AFAP1L1: variants seen among roughly 807,000 people sequenced by gnomAD.
AFAP1L1 encodes the protein actin filament associated protein 1 like 1.
AFAP1L1 carries 77 observed loss-of-function variants against 99.8 expected under a neutral mutation model. That is an observed-to-expected ratio of 0.77 (90% confidence interval 0.64 to 0.93). The LOEUF (loss-of-function observed/expected upper bound fraction) is 0.93, where lower values mean the gene tolerates loss of function less well. Among genes scored for constraint, AFAP1L1 ranks in the 40% least tolerant of loss-of-function variants. The pLI is 0.00. For synonymous variants in AFAP1L1, 373 were observed against 395.3 expected, an observed-to-expected ratio of 0.94 and a Z score of 0.67; for missense variants, 893 against 996.8, an observed-to-expected ratio of 0.90 and a Z score of 1.40.
intron 16 of AFAP1L1, among the ~76,000 whole-genome samples, chr5:149,331,272 A>G (rs921871351): frequency 6.6e-6 from 1 of 151,898 alleles, no homozygotes; most frequent in African/African-American, 2.4e-5. Flanking sequence ...CTTCATCTCT[A>G]TTTTTCTAAA....
intron 8 of AFAP1L1, among the ~76,000 whole-genome samples, chr5:149,311,068 C>G (rs1368650207): frequency 6.6e-6 from 1 of 152,138 alleles, no homozygotes. Context: ...ACCCCCCATT[C>G]CTTTACAGCA....
At chr5:149,318,665 C>G (rs1756866752) in intron 12 of AFAP1L1, among the ~76,000 whole-genome samples, 1 of 152,228 alleles carries the variant, frequency 6.6e-6, no homozygotes, top group South Asian at 2.1e-4. Flanking sequence ...TACTCACGGG[C>G]ACTAGCCTCC....
chr5:149,339,282 C>G (rs1757494556), intron 18 of AFAP1L1, among the ~76,000 whole-genome samples: 1 of 151,714 alleles, frequency 6.6e-6, no homozygotes, highest in African/African-American at 2.4e-5. Flanking sequence ...CTCCACCTCC[C>G]AGGTTCAAGC....
intron 3 of AFAP1L1, among the ~76,000 whole-genome samples, chr5:149,300,852 T>C (rs1243081399): frequency 6.6e-6 from 1 of 152,244 alleles, no homozygotes; most frequent in Non-Finnish European, 1.5e-5. Flanking sequence ...GGGAGCACAC[T>C]GTGCCTTTAT....
chr5:149,332,265 C>T (rs1757277026), intron 16 of AFAP1L1, among the ~76,000 whole-genome samples: 1 of 152,134 alleles, frequency 6.6e-6, no homozygotes, highest in African/African-American at 2.4e-5. Flanking sequence ...GGTGTGCTGG[C>T]GTGTGCCTGT....
chr5:149,329,978 T>C (rs560381905), intron 16 of AFAP1L1, 148 bp downstream of exon 16: 6 of 602,352 alleles, frequency 1.0e-5, no homozygotes, highest in African/African-American at 7.6e-5. Flanking sequence ...CCTCCTCCTC[T>C]TCTTCTCCTC....
chr5:149,291,717 T>G (rs533843765), intron 1 of AFAP1L1, among the ~76,000 whole-genome samples: 2 of 152,088 alleles, frequency 1.3e-5, no homozygotes, highest in South Asian at 2.1e-4. Context: ...CCCACTGATA[T>G]GTTAATACAG....
In AFAP1L1 at chr5:149,320,311, TGAGA is replaced by T. The variant is rs1390809348; in HGVS notation, c.1626-78_1626-75del. On this transcript the variant is annotated intron_variant, in intron 13 of 18. Coordinates refer to ENST00000296721, the MANE Select transcript of AFAP1L1 (RefSeq NM_152406.4). The surrounding 1 kb of genome is among the most constrained non-coding windows in gnomAD (Gnocchi z 4.0). ...CCTTAAGAGTTTCTGCCAGAATCAATGAGAGTGAGGACACGAAAGCACTGTAAGC... is the reference window on the plus strand; with the variant it reads ...CCTTAAGAGTTTCTGCCAGAATCAATGTGAGGACACGAAAGCACTGTAAGC... 21 of 1,373,862 alleles carry T rather than the reference TGAGA, an allele frequency of 1.5e-5. No homozygotes were observed. Among genetic ancestry groups the T allele is most frequent in the African/African-American group, 1.4e-4 (10 of 70,204 alleles). 85.1% of individuals were successfully genotyped at this position (1,373,862 alleles called of 1,614,324 possible).
intron 10 of AFAP1L1, 88 bp from the exon 11 acceptor site, chr5:149,316,063 T>C (rs1756783978): frequency 6.3e-7 from 1 of 1,586,844 alleles, no homozygotes; most frequent in African/African-American, 1.3e-5. Context: ...AGGCCCATCC[T>C]GTATGCAGGC....
intron 1 of AFAP1L1, among the ~76,000 whole-genome samples, chr5:149,296,729 A>G (rs1327439652): frequency 6.6e-6 from 1 of 152,238 alleles, no homozygotes; most frequent in Non-Finnish European, 1.5e-5. Flanking sequence ...CATTTAGTGT[A>G]TGTATTAGTC....
In AFAP1L1 at chr5:149,307,610, C is replaced by A; in HGVS notation, c.744C>A (p.Leu248=). 1 of 1,612,090 alleles carries A rather than the reference C, an allele frequency of 6.2e-7. No individual in the cohort carries two copies. Among genetic ancestry groups the A allele is most frequent in the Non-Finnish European group, 8.5e-7 (1 of 1,179,912 alleles). The change falls in exon 7 of 19, where the codon CTC becomes CTA. Residue 248 remains leucine (L), a synonymous_variant. Transcript: ENST00000296721. ...KQLTVIREDQ[L]LCYKSSKDRQ... The stretch of plus-strand genomic sequence containing the variant: ...TGACGGTCATCAGGGAGGACCAGCT[C>A]CTGGTGAGTGGTCAGCAGCAGCCAT...
chr5:149,303,561 A>G (rs1756299242), intron 5 of AFAP1L1, among the ~76,000 whole-genome samples: 4 of 152,240 alleles, frequency 2.6e-5, no homozygotes, highest in African/African-American at 9.6e-5. Flanking sequence ...CCAAAAAATA[A>G]TCAAATTTCT....
chr5:149,310,857 T>A (rs1183443090), intron 8 of AFAP1L1, among the ~76,000 whole-genome samples: 1 of 152,188 alleles, frequency 6.6e-6, no homozygotes, highest in African/African-American at 2.4e-5. Flanking sequence ...GTGGCACCCA[T>A]ACTGGAGTGC....
At chr5:149,301,592 AAGCTCTGGACC>A (rs1475335711) in intron 4 of AFAP1L1, among the ~76,000 whole-genome samples, 1 of 152,064 alleles carries the variant, frequency 6.6e-6, no homozygotes, top group Non-Finnish European at 1.5e-5. Context: ...GCTATGGAAA[AAGCTCTGGACC>A]AGGAGTTGGG....
rs568217094 is a variant in AFAP1L1 at position 149,278,908 on chromosome 5, C to T, written c.16+6924C>T. On this transcript the variant is annotated intron_variant, in intron 1 of 18. Coordinates refer to ENST00000296721, the MANE Select transcript of AFAP1L1 (RefSeq NM_152406.4). ...ACTCACTCCTGTGAAGAACTAAACC[C>T]CTCTATGAGAGTAACTCTCAGATGT... is the stretch of plus-strand genomic sequence containing the variant. Among the ~76,000 whole-genome samples the T allele has an allele frequency of 2.8e-4, 42 of 152,316 alleles. 1 individual carries two copies. The East Asian group carries it at 7.3e-3, about 27-fold the overall frequency.
intron 1 of AFAP1L1, among the ~76,000 whole-genome samples, chr5:149,274,676 C>T (rs1323882599): frequency 2.0e-5 from 3 of 152,112 alleles, no homozygotes; most frequent in Admixed American, 6.5e-5. Flanking sequence ...GTCAGGAGTT[C>T]GAGACCAGCC....
In AFAP1L1 at chr5:149,320,480, C is replaced by A. The variant is rs1756920392; in HGVS notation, c.1698+17C>A. 6.2e-7 allele frequency: 1 copy of A among 1,613,606 alleles called. No individual in the cohort carries two copies. The highest frequency in any genetic ancestry group is 1.6e-4 in the Middle Eastern group (1 of 6,084). On this transcript the variant is annotated intron_variant, in intron 14 of 18. Coordinates refer to ENST00000296721, the MANE Select transcript of AFAP1L1 (RefSeq NM_152406.4). This position sits in a 1 kb window ranked among gnomAD's most constrained non-coding sequence, Gnocchi z 4.0. Reference sequence around the variant, plus strand: ...AAGATGCAGGTACAGTCCCTTGGGGCTGCCCAGGAATGTGGCAAAGGCCAC... The same window carrying A: ...AAGATGCAGGTACAGTCCCTTGGGGATGCCCAGGAATGTGGCAAAGGCCAC...
Position 149,300,308 on chromosome 5 carries a change from C to G in AFAP1L1, c.183C>G (p.Asp61Glu), listed in dbSNP as rs777197518. ...CCTACCTGTATGTGAACACAGCAGA[C>G]CTCCACTCGGGGCCCAGCTTCGTGG... ...EVSYLYVNTA[D>E]LHSGPSFVES... Residue 61 changes from aspartate to glutamate, a missense_variant, in exon 3 of 19, where the codon GAC (aspartate) becomes GAG (glutamate). Physicochemically the swap from Asp to Glu is conservative, Grantham distance 45. Transcript: ENST00000296721. The G allele has an allele frequency of 6.2e-7, 1 of 1,613,676 alleles. No homozygotes were observed. Among genetic ancestry groups the G allele is most frequent in the Non-Finnish European group, 8.5e-7 (1 of 1,179,834 alleles).
intron 18 of AFAP1L1, among the ~76,000 whole-genome samples, chr5:149,338,443 A>G (rs1447995390): frequency 6.6e-6 from 1 of 152,202 alleles, no homozygotes; most frequent in Non-Finnish European, 1.5e-5. Flanking sequence ...TCCAGCCTAG[A>G]TGACACTAAG....
Sources: allele counts gnomAD v4.1 joint callset (sites outside exome capture counted in the v4.1 genomes callset), GRCh38; gene constraint gnomAD v4.1.1; non-coding constraint Gnocchi (gnomAD v3.1); transcripts MANE v1.5; gene names NCBI Gene and HGNC (gene_info 2026-07-23, HGNC 2026-07-21).